SLC5A4: variants seen among roughly 807,000 people sequenced by gnomAD.
The protein encoded by SLC5A4 is solute carrier family 5 member 4.
Under a neutral mutation model 70.3 loss-of-function variants are expected in SLC5A4, and 55 were observed. The observed-to-expected ratio is 0.78, with a 90% confidence interval of 0.63 to 0.98. The LOEUF is 0.98. SLC5A4 is among the 50% of genes least tolerant of loss of function. The probability of loss-of-function intolerance (pLI) is 0.00; values close to 1 mark genes in which losing one functional copy is unlikely to be tolerated. For missense variants in SLC5A4, 735 were observed against 839.2 expected (o/e 0.88, Z 1.53); for synonymous variants, 268 against 305.7 (o/e 0.88, Z 1.29).
At chr22:32,279,003 G>A in the SLC5A4 span, among the ~76,000 whole-genome samples, 313 of 152,306 alleles carry the variant, frequency 2.1e-3, 3 homozygotes, top group African/African-American at 7.1e-3. Flanking sequence ...TAGGCCGGGC[G>A]CGGTGGCTCA....
the SLC5A4 span, among the ~76,000 whole-genome samples, chr22:32,263,469 T>C: frequency 6.6e-6 from 1 of 152,078 alleles, no homozygotes; most frequent in Non-Finnish European, 1.5e-5. Flanking sequence ...CACTGGTCAT[T>C]AGAGAAATGC....
chr22:32,304,326 A>T, the SLC5A4 span, among the ~76,000 whole-genome samples: 13 of 151,906 alleles, frequency 8.6e-5, no homozygotes, highest in African/African-American at 2.9e-4. Context: ...TTTTTAGCAG[A>T]GATGGGGTTT....
At chr22:32,253,844 G>A (rs1299094450) in intron 2 of SLC5A4, among the ~76,000 whole-genome samples, 1 of 151,650 alleles carries the variant, frequency 6.6e-6, no homozygotes, top group African/African-American at 2.4e-5. Context: ...GCAGTGGTGT[G>A]ATCTAGGCTC....
At position 32,237,944 on chromosome 22, in the gene SLC5A4, C is replaced by T. The variant is rs147137639; in HGVS notation, c.584-620G>A. ...ACACAGAAGACTCATGCCCTTATTG[C>T]TCCCTTATTCTGAAACACATGCTCT... On this transcript the variant is annotated intron_variant, in intron 6 of 14. Coordinates refer to ENST00000266086, the MANE Select transcript of SLC5A4 (RefSeq NM_014227.3). 1.4e-4 allele frequency among the ~76,000 whole-genome samples: 22 copies of T among 152,206 alleles called. No homozygotes were observed. In the East Asian group the frequency reaches 3.7e-3, roughly 25 times the overall value.
chr22:32,347,536 T>C, the SLC5A4 span, among the ~76,000 whole-genome samples: 1 of 151,780 alleles, frequency 6.6e-6, no homozygotes, highest in Non-Finnish European at 1.5e-5. Flanking sequence ...TAAAAAATGA[T>C]GAGTTCATGT....
the SLC5A4 span, among the ~76,000 whole-genome samples, chr22:32,293,924 AAAT>A: frequency 6.6e-6 from 1 of 152,134 alleles, no homozygotes; most frequent in Non-Finnish European, 1.5e-5. Flanking sequence ...TAGTAGTATA[AAAT>A]AATATTATAT....
intron 2 of SLC5A4, among the ~76,000 whole-genome samples, 178 bp from the exon 3 acceptor site, chr22:32,252,052 A>G (rs1792348193): frequency 6.6e-6 from 1 of 151,450 alleles, no homozygotes; most frequent in Non-Finnish European, 1.5e-5. Flanking sequence ...ACACGGTGAG[A>G]CCCCATCTTT....
intron 8 of SLC5A4, 113 bp from the exon 9 acceptor site, chr22:32,233,147 A>G (rs1022132556): frequency 8.8e-7 from 1 of 1,141,498 alleles, no homozygotes; most frequent in Admixed American, 2.5e-5. Flanking sequence ...GGACCAGTAT[A>G]CCAAAGAGCT....
the SLC5A4 span, among the ~76,000 whole-genome samples, chr22:32,308,967 C>T: frequency 1.3e-5 from 2 of 152,164 alleles, no homozygotes; most frequent in African/African-American, 4.8e-5. Context: ...CCTAGACAGT[C>T]TCACTCTGTC....
chr22:32,292,624 G>T, the SLC5A4 span, among the ~76,000 whole-genome samples: 1 of 151,660 alleles, frequency 6.6e-6, no homozygotes, highest in Non-Finnish European at 1.5e-5. Flanking sequence ...ATATTTTATA[G>T]AATTCTATCT....
At chr22:32,262,370 G>C in the SLC5A4 span, among the ~76,000 whole-genome samples, 2 of 152,190 alleles carry the variant, frequency 1.3e-5, no homozygotes, top group Non-Finnish European at 2.9e-5. Context: ...ACAGCCACAG[G>C]TTGTTGCTCA....
At chr22:32,329,611 TGGCTCTGGTGTGTGTGTTGGAG>T in the SLC5A4 span, among the ~76,000 whole-genome samples, 1 of 50,670 alleles carries the variant, frequency 2.0e-5, no homozygotes, top group Non-Finnish European at 3.6e-5. Context: ...GTGTGTGTGT[TGGCTCTGGTGTGTGTGTTGGAG>T]GGCTCTGGGG....
the SLC5A4 span, among the ~76,000 whole-genome samples, chr22:32,294,441 C>G: frequency 6.6e-6 from 1 of 152,106 alleles, no homozygotes; most frequent in Non-Finnish European, 1.5e-5. Flanking sequence ...CAACATCTTG[C>G]AAAACTACAT....
chr22:32,222,022 G>T (rs1486775077), intron 13 of SLC5A4, among the ~76,000 whole-genome samples: 1 of 152,236 alleles, frequency 6.6e-6, no homozygotes, highest in Non-Finnish European at 1.5e-5. Context: ...CTCCCAAAGT[G>T]CTGGGATGAC....
chr22:32,230,169 G>T (rs867550901), intron 10 of SLC5A4, among the ~76,000 whole-genome samples: 3 of 152,118 alleles, frequency 2.0e-5, no homozygotes, highest in Middle Eastern at 3.2e-3. Context: ...GCCATGACAT[G>T]GTTGTGGGCC....
In SLC5A4 at chr22:32,220,931, C is replaced by A. The variant is rs1324367399; in HGVS notation, c.1757G>T (p.Gly586Val). The change falls in exon 14 of 15, where the codon GGT becomes GTT. Residue 586 changes from glycine (G) to valine (V), a missense_variant. By Grantham distance (109) the Gly-to-Val change is moderately radical (BLOSUM62 -3). Transcript: ENST00000266086. ...EEKSQEETDD[G>V]VEEDYPEKSR... ...AAACCAAATATTACCTTCTTCAACA[C>A]CATCATCTGTTTCTTCCTGACTTTT... is the stretch of plus-strand genomic sequence containing the variant. The A allele has an allele frequency of 6.2e-7, 1 of 1,607,740 alleles. No homozygotes were observed. Among genetic ancestry groups the A allele is most frequent in the Non-Finnish European group, 8.5e-7 (1 of 1,174,306 alleles).
At chr22:32,330,327 G>A in the SLC5A4 span, among the ~76,000 whole-genome samples, 1 of 49,126 alleles carries the variant, frequency 2.0e-5, no homozygotes, top group Non-Finnish European at 3.8e-5. Flanking sequence ...TGTGTGTGTT[G>A]GGGGGCTCTG....
chr22:32,257,449 G>C (rs1166927247), upstream of SLC5A4, among the ~76,000 whole-genome samples: 2 of 151,972 alleles, frequency 1.3e-5, no homozygotes, highest in Non-Finnish European at 2.9e-5. Flanking sequence ...CAACCTCCTG[G>C]GCTCAAGTGA....
At chr22:32,246,169 G>A (rs1926816959) in intron 5 of SLC5A4, among the ~76,000 whole-genome samples, 1 of 152,146 alleles carries the variant, frequency 6.6e-6, no homozygotes, top group African/African-American at 2.4e-5. Context: ...TATTTCCTTA[G>A]CCAGATGGTG....
Sources: allele counts gnomAD v4.1 joint callset (sites outside exome capture counted in the v4.1 genomes callset), GRCh38; gene constraint gnomAD v4.1.1; transcripts MANE v1.5; gene names NCBI Gene and HGNC (gene_info 2026-07-23, HGNC 2026-07-21).